FHOD3: variants seen among roughly 807,000 people sequenced by gnomAD.
FHOD3 encodes FH1/FH2 domain-containing protein 3.
Under a neutral mutation model 173.0 loss-of-function variants are expected in FHOD3, and 90 were observed. That is an observed-to-expected ratio of 0.52 (90% CI 0.44 to 0.62). FHOD3 has a LOEUF of 0.62. Ranked by LOEUF, FHOD3 falls within the 20% of genes least tolerant of loss-of-function variation. FHOD3 has a pLI of 0.00. For synonymous variants in FHOD3, 828 were observed against 823.0 expected, an observed-to-expected ratio of 1.01 and a Z score of -0.10; for missense variants, 1,945 against 2,034.7, an observed-to-expected ratio of 0.96 and a Z score of 0.85.
intron 14 of FHOD3, among the ~76,000 whole-genome samples, chr18:36,676,251 A>G (rs591873): frequency 0.71 from 108,633 of 152,050 alleles, 38,981 homozygotes; most frequent in African/African-American, 0.76. Context: ...GATTTGCCAT[A>G]CATGTATTTA....
chr18:36,761,985 T>C (rs2042900713), intron 27 of FHOD3, among the ~76,000 whole-genome samples: 1 of 151,922 alleles, frequency 6.6e-6, no homozygotes, highest in Non-Finnish European at 1.5e-5. Flanking sequence ...AGATGAATAT[T>C]GCGCCCACCA....
chr18:36,686,374 G>A (rs2038617302), intron 15 of FHOD3, among the ~76,000 whole-genome samples: 1 of 151,314 alleles, frequency 6.6e-6, no homozygotes, highest in African/African-American at 2.4e-5. Context: ...AACACCACAT[G>A]TTCTTACTCA....
rs562975473 is a variant in FHOD3 at position 36,578,264 on chromosome 18, C to T, written c.606+1719C>T. ...GAGGCCTCAAAATCATGGCGGAAGG[C>T]GGAGGAGGAGCAAAGGCACATCTTA... On this transcript the variant is annotated intron_variant, in intron 6 of 28. Transcript: ENST00000590592. 1.4e-4 allele frequency among the ~76,000 whole-genome samples: 21 copies of T among 152,130 alleles called. No individual in the cohort carries two copies. The East Asian group carries it at 1.9e-3, about 14-fold the overall frequency.
intron 28 of FHOD3, among the ~76,000 whole-genome samples, chr18:36,770,064 G>C (rs2043310521): frequency 6.6e-6 from 1 of 152,168 alleles, no homozygotes; most frequent in South Asian, 2.1e-4. Flanking sequence ...ATGGGTGTGG[G>C]GTTGCCTCTG....
intron 2 of FHOD3, among the ~76,000 whole-genome samples, chr18:36,363,031 A>G (rs982589681): frequency 6.6e-6 from 1 of 152,258 alleles, no homozygotes; most frequent in Non-Finnish European, 1.5e-5. Context: ...GTAAATAAGC[A>G]TATAGAAAGA....
At chr18:36,561,333 G>A (rs911204650) in intron 5 of FHOD3, among the ~76,000 whole-genome samples, 1 of 152,148 alleles carries the variant, frequency 6.6e-6, no homozygotes. Flanking sequence ...AGACAGGATG[G>A]GTGGCGGTGA....
intron 5 of FHOD3, among the ~76,000 whole-genome samples, chr18:36,568,077 A>G (rs2058328062): frequency 1.3e-5 from 2 of 151,300 alleles, no homozygotes; most frequent in Non-Finnish European, 2.9e-5. Flanking sequence ...TAATCCCAGC[A>G]CTTTGGGAGG....
chr18:36,402,698 C>T (rs2048883508), intron 3 of FHOD3, among the ~76,000 whole-genome samples: 1 of 152,142 alleles, frequency 6.6e-6, no homozygotes, highest in Non-Finnish European at 1.5e-5. Context: ...ATTGTGTGAT[C>T]CGTTTGAGCC....
chr18:36,643,002 A>G (rs1275053649), intron 10 of FHOD3, among the ~76,000 whole-genome samples: 1 of 151,820 alleles, frequency 6.6e-6, no homozygotes, highest in Non-Finnish European at 1.5e-5. Context: ...CTTTGTTGTA[A>G]AATGTATGTT....
intron 20 of FHOD3, among the ~76,000 whole-genome samples, chr18:36,732,715 G>T (rs538680515): frequency 6.6e-6 from 1 of 152,308 alleles, no homozygotes; most frequent in Non-Finnish European, 1.5e-5. Flanking sequence ...TGAGGCAGTT[G>T]CCAGATCGCA....
intron 18 of FHOD3, among the ~76,000 whole-genome samples, chr18:36,715,608 C>T (rs1195853002): frequency 1.3e-5 from 2 of 152,306 alleles, no homozygotes; most frequent in Non-Finnish European, 2.9e-5. Context: ...AAACCCAAAT[C>T]CTGTTCTCAC....
intron 18 of FHOD3, among the ~76,000 whole-genome samples, chr18:36,712,843 CAA>C (rs111496299): frequency 0.21 from 29,916 of 139,534 alleles, 3,296 homozygotes; most frequent in African/African-American, 0.31. Flanking sequence ...AACTAAAGAC[CAA>C]AAAAAAAAAA....
chr18:36,585,394 C>T (rs1044535627), intron 6 of FHOD3, among the ~76,000 whole-genome samples: 3 of 152,158 alleles, frequency 2.0e-5, no homozygotes, highest in Non-Finnish European at 4.4e-5. Context: ...CCAGAACACT[C>T]ATTCTCACTG....
intron 5 of FHOD3, among the ~76,000 whole-genome samples, chr18:36,555,537 T>C (rs2147477395): frequency 6.6e-6 from 1 of 152,286 alleles, no homozygotes; most frequent in South Asian, 2.1e-4. Flanking sequence ...TAAATGTCAA[T>C]TAGGTGAAGT....
intron 20 of FHOD3, among the ~76,000 whole-genome samples, chr18:36,731,070 A>G (rs114031613): frequency 0.011 from 1,660 of 152,292 alleles, 43 homozygotes; most frequent in African/African-American, 0.037. Flanking sequence ...GAAGACTATG[A>G]TAACCTCCTT....
intron 1 of FHOD3, among the ~76,000 whole-genome samples, chr18:36,340,762 G>C (rs528172106): frequency 6.6e-6 from 1 of 151,416 alleles, no homozygotes; most frequent in Non-Finnish European, 1.5e-5. Context: ...TCAGCCTCCC[G>C]AGTAGCTGGG....
At chr18:36,663,498 T>C (rs2036951759) in intron 14 of FHOD3, among the ~76,000 whole-genome samples, 1 of 152,206 alleles carries the variant, frequency 6.6e-6, no homozygotes, top group South Asian at 2.1e-4. Flanking sequence ...CATGGAACAG[T>C]CCTATTATTG....
chr18:36,474,713 C>T (rs1477287781), intron 3 of FHOD3, among the ~76,000 whole-genome samples: 1 of 152,078 alleles, frequency 6.6e-6, no homozygotes, highest in African/African-American at 2.4e-5. Flanking sequence ...GTTCAACAAC[C>T]ACACCTCTTA....
At chr18:36,706,913 A>C (rs188434093) in intron 17 of FHOD3, among the ~76,000 whole-genome samples, 1 of 152,328 alleles carries the variant, frequency 6.6e-6, no homozygotes, top group African/African-American at 2.4e-5. Flanking sequence ...CCAAATGATG[A>C]CGCTGCCGCT....
Sources: gnomAD v4.1 joint callset for allele counts (sites outside exome capture counted in the v4.1 genomes callset) on GRCh38, gnomAD v4.1.1 for gene constraint, MANE v1.5 for transcripts, NCBI Gene and HGNC (gene_info 2026-07-23, HGNC 2026-07-21) for gene names.